The following ABI1 variants were observed in gnomAD, a reference collection of about 807,000 sequenced individuals.
ABI1 encodes the protein abl interactor 1.
In ABI1, 14 loss-of-function variants were observed where a neutral mutation model predicts 54.6. The ratio of observed to expected loss-of-function variants is 0.26; its 90% CI spans 0.17 to 0.40. The LOEUF is 0.40. Among genes scored for constraint, ABI1 ranks in the 10% least tolerant of loss-of-function variants. The pLI is 1.00. For missense variants in ABI1, 443 were observed against 598.3 expected (o/e 0.74, Z 2.71); for synonymous variants, 194 against 209.3 (o/e 0.93, Z 0.63).
intron 7 of ABI1, among the ~76,000 whole-genome samples, chr10:26,761,617 C>CATATATATATATATATATAT (rs1164854399): frequency 6.0e-5 from 3 of 49,836 alleles, no homozygotes; most frequent in African/African-American, 9.2e-5. Context: ...TAGTTTTTGT[C>CATATATATATATATATATAT]ATATATATAT....
chr10:26,853,300 CTTTTT>C (rs74928196), intron 1 of ABI1, among the ~76,000 whole-genome samples: 2 of 138,722 alleles, frequency 1.4e-5, no homozygotes, highest in Non-Finnish European at 1.5e-5. Context: ...CAACAATGCC[CTTTTT>C]TTTTTTTAAA....
At chr10:26,755,229 G>A (rs556285607) in intron 9 of ABI1, among the ~76,000 whole-genome samples, 14 of 152,120 alleles carry the variant, frequency 9.2e-5, no homozygotes, top group African/African-American at 2.9e-4. Context: ...AATTAAGGGG[G>A]GAAAATCTGC....
intron 2 of ABI1, among the ~76,000 whole-genome samples, chr10:26,793,417 T>C (rs528792899): frequency 4.7e-4 from 71 of 152,262 alleles, no homozygotes; most frequent in Non-Finnish European, 8.4e-4. Context: ...ATACACACCA[T>C]AAAATAGATC....
rs1369593056 is a variant in ABI1, at chr10:26,860,498, C to T, written c.117+249G>A. ...CTGCGGCAGCGGCGGGCTCCCGGCT[C>T]CCTCGCCCATTTTCTCTCTCCCCTT... On this transcript the variant is annotated intron_variant, in intron 1 of 10. Coordinates refer to ENST00000376140, the MANE Select transcript of ABI1 (RefSeq NM_001012750.3). This position sits in a 1 kb window ranked among gnomAD's most constrained non-coding sequence, Gnocchi z 4.1. Among the ~76,000 whole-genome samples, 1 of 152,202 alleles carries T rather than the reference C, an allele frequency of 6.6e-6. No homozygotes were observed. Among genetic ancestry groups the T allele is most frequent in the Non-Finnish European group, 1.5e-5 (1 of 68,018 alleles).
chr10:26,758,925 A>C, intron 8 of ABI1, 137 bp downstream of exon 8: 1 of 879,936 alleles, frequency 1.1e-6, no homozygotes. Context: ...TTCAAGGACT[A>C]ATATCCTAAA....
intron 2 of ABI1, among the ~76,000 whole-genome samples, chr10:26,798,511 G>A (rs1373571781): frequency 6.6e-6 from 1 of 152,024 alleles, no homozygotes; most frequent in African/African-American, 2.4e-5. Context: ...CTCCCCTAGT[G>A]CTTCTAGAAG....
rs577478695 is a variant in ABI1 at position 26,746,626 on chromosome 10, A to AAAG, written c.*1941_*1943dup. 135 of 806,458 alleles carry AAAG rather than the reference A, an allele frequency of 1.7e-4. No individual in the cohort carries two copies. The African/African-American group carries it at 2.0e-3, about 12-fold the overall frequency. The allele number at this position is 806,458 out of a possible 1,614,324, so 50.0% of individuals were successfully genotyped here. A position where few individuals can be genotyped will look rare whatever the true frequency, so the allele number is the denominator to read the frequency against. ...GGGCAATTTATTTTTTTTTATTGCA[A>AAAG]AAGTTTTTTCAGAAAACTTTTTAAA... On this transcript the variant is annotated 3_prime_UTR_variant, in exon 11 of 11. Coordinates refer to ENST00000376140, the MANE Select transcript of ABI1 (RefSeq NM_001012750.3).
At chr10:26,827,929 A>C (rs567561380) in intron 1 of ABI1, among the ~76,000 whole-genome samples, 3 of 152,268 alleles carry the variant, frequency 2.0e-5, no homozygotes, top group African/African-American at 7.2e-5. Context: ...TGTTCAGTGG[A>C]CTAGCCCTTT....
chr10:26,831,215 T>C (rs1483550301), intron 1 of ABI1, among the ~76,000 whole-genome samples: 11 of 151,480 alleles, frequency 7.3e-5, no homozygotes, highest in Admixed American at 2.0e-4. Context: ...TCCAAACCTA[T>C]ACCCAAATTT....
At chr10:26,841,161 A>G (rs143391078) in intron 1 of ABI1, among the ~76,000 whole-genome samples, 183 of 152,310 alleles carry the variant, frequency 1.2e-3, no homozygotes, top group Non-Finnish European at 2.0e-3. Context: ...CTGGCCCTTT[A>G]CAGGAAACAC....
At chr10:26,853,300 C>T (rs1451344103) in intron 1 of ABI1, among the ~76,000 whole-genome samples, 5 of 138,722 alleles carry the variant, frequency 3.6e-5, no homozygotes, top group Admixed American at 7.4e-5. Context: ...CAACAATGCC[C>T]TTTTTTTTTT....
At chr10:26,767,907 G>A (rs987381581) in intron 6 of ABI1, among the ~76,000 whole-genome samples, 4 of 151,896 alleles carry the variant, frequency 2.6e-5, no homozygotes, top group South Asian at 4.2e-4. Flanking sequence ...TTAGCCAGGC[G>A]TGGTGGCATG....
At chr10:26,788,286 T>G (rs1217633389) in intron 2 of ABI1, among the ~76,000 whole-genome samples, 2 of 152,228 alleles carry the variant, frequency 1.3e-5, no homozygotes, top group African/African-American at 4.8e-5. Flanking sequence ...GAACCTCTTT[T>G]TCTTCCCAGT....
intron 1 of ABI1, among the ~76,000 whole-genome samples, chr10:26,854,284 A>T (rs2050639245): frequency 6.6e-6 from 1 of 152,210 alleles, no homozygotes. Context: ...TATTAAAGCC[A>T]CAAAAGAAAA....
rs1839805753 is a variant in ABI1 at position 26,765,335 on chromosome 10, A to C, written c.720-17T>G. ...CTACTTCCACTGAAAAGAAAAAAAA[A>C]AACTGTGAAAAACCAATTCTAGAGA... is the stretch of plus-strand genomic sequence containing the variant. On this transcript the variant is annotated splice_polypyrimidine_tract_variant and intron_variant, in intron 6 of 10. Transcript: ENST00000376140. 1 of 1,541,180 alleles carries C rather than the reference A, an allele frequency of 6.5e-7. No individual in the cohort carries two copies. The highest frequency in any genetic ancestry group is 1.4e-5 in the African/African-American group (1 of 71,654).
chr10:26,773,884 T>G (rs1424036124), intron 3 of ABI1, among the ~76,000 whole-genome samples: 1 of 152,132 alleles, frequency 6.6e-6, no homozygotes, highest in East Asian at 1.9e-4. Flanking sequence ...CACTGTAAAC[T>G]AAAACTCCAA....
At chr10:26,756,642 A>G (rs1838351257) in intron 8 of ABI1, among the ~76,000 whole-genome samples, 1 of 152,188 alleles carries the variant, frequency 6.6e-6, no homozygotes, top group Non-Finnish European at 1.5e-5. Context: ...AACATACACT[A>G]GAAGTAAACA....
chr10:26,820,589 T>A (rs1326174341), intron 2 of ABI1, among the ~76,000 whole-genome samples: 1 of 100,556 alleles, frequency 9.9e-6, no homozygotes, highest in African/African-American at 7.8e-5. Flanking sequence ...GCTAATGCAC[T>A]TTTTTTTTTT....
At chr10:26,822,998 C>A in intron 2 of ABI1, 140 bp downstream of exon 2, 1 of 698,826 alleles carries the variant, frequency 1.4e-6, no homozygotes. Flanking sequence ...AGAAAAACAG[C>A]AGGTTTACCA....
Sources: gnomAD v4.1 joint callset for allele counts (sites outside exome capture counted in the v4.1 genomes callset) on GRCh38, gnomAD v4.1.1 for gene constraint, Gnocchi (gnomAD v3.1) non-coding constraint, MANE v1.5 for transcripts, NCBI Gene and HGNC (gene_info 2026-07-23, HGNC 2026-07-21) for gene names.